The following CUX2 variants were observed in gnomAD, a reference collection of about 807,000 sequenced individuals.
The protein encoded by CUX2 is homeobox protein cut-like 2.
In CUX2, 40 loss-of-function variants were observed where a neutral mutation model predicts 144.8. The observed-to-expected ratio is 0.28, with a 90% CI of 0.21 to 0.36. The LOEUF is 0.36. Among genes scored for constraint, CUX2 ranks in the 10% least tolerant of loss-of-function variants. The pLI is 1.00. For missense variants in CUX2, 1,615 were observed against 1,994.0 expected (o/e 0.81, Z 3.62); for synonymous variants, 827 against 875.6 (o/e 0.94, Z 0.98).
At chr12:111,230,654 G>A (rs770083216) in intron 3 of CUX2, among the ~76,000 whole-genome samples, 34 of 152,304 alleles carry the variant, frequency 2.2e-4, no homozygotes, top group Non-Finnish European at 4.3e-4. Context: ...TTGAGTGTCA[G>A]GATTGTAAAA....
At chr12:111,048,655 A>T (rs1870115263) in intron 1 of CUX2, among the ~76,000 whole-genome samples, 1 of 151,944 alleles carries the variant, frequency 6.6e-6, no homozygotes, top group African/African-American at 2.4e-5. Context: ...CATTATTACC[A>T]GTGTGTTTCC....
intron 3 of CUX2, among the ~76,000 whole-genome samples, chr12:111,219,669 G>T (rs1023781922): frequency 2.6e-5 from 4 of 152,190 alleles, no homozygotes; most frequent in Non-Finnish European, 4.4e-5. Context: ...GAGATCTAAT[G>T]CAGGGAAAGG....
At chr12:111,139,540 C>G (rs533448203) in intron 1 of CUX2, among the ~76,000 whole-genome samples, 4 of 152,278 alleles carry the variant, frequency 2.6e-5, no homozygotes, top group Admixed American at 6.5e-5. Flanking sequence ...TCCAACCCCT[C>G]AGAGGAGGCT....
intron 1 of CUX2, among the ~76,000 whole-genome samples, chr12:111,163,325 A>G (rs1007211733): frequency 3.3e-5 from 5 of 152,254 alleles, no homozygotes; most frequent in African/African-American, 1.2e-4. Flanking sequence ...TCTGCTTTAC[A>G]GGCCGCATGG....
intron 1 of CUX2, among the ~76,000 whole-genome samples, chr12:111,119,718 G>A (rs1874518303): frequency 1.3e-5 from 2 of 152,190 alleles, no homozygotes; most frequent in Middle Eastern, 3.2e-3. Context: ...ACAAAAAAAT[G>A]GTTGCATGAA....
At chr12:111,315,405 G>C (rs999442072) in intron 16 of CUX2, among the ~76,000 whole-genome samples, 1 of 152,198 alleles carries the variant, frequency 6.6e-6, no homozygotes, top group African/African-American at 2.4e-5. Flanking sequence ...AGCCCTTAAA[G>C]GTAGAACTTT....
chr12:111,142,272 C>T (rs4766539), intron 1 of CUX2, among the ~76,000 whole-genome samples: 12,163 of 152,178 alleles, frequency 0.08, 617 homozygotes, highest in African/African-American at 0.14. Context: ...TATATATCCA[C>T]ATCCTCACAT....
In CUX2 at chr12:111,157,732, A is replaced by G. The variant is rs147199021; in HGVS notation, c.64-56468A>G. The stretch of plus-strand genomic sequence containing the variant: ...GTGGCAGTGAGCATGCACATGCTAC[A>G]TATTTGTTATCTCTGCCTCATAAGT... On this transcript the variant is annotated intron_variant, in intron 1 of 21. Transcript: ENST00000261726. Among the ~76,000 whole-genome samples, 549 of 152,378 alleles carry G rather than the reference A, an allele frequency of 3.6e-3. 7 individuals are homozygous for G. The highest frequency in any genetic ancestry group is 0.013 in the African/African-American group (525 of 41,584).
At chr12:111,219,143 A>G (rs1463629925) in intron 3 of CUX2, among the ~76,000 whole-genome samples, 1 of 152,236 alleles carries the variant, frequency 6.6e-6, no homozygotes, top group Non-Finnish European at 1.5e-5. Flanking sequence ...CTTTGGAACC[A>G]CATAAGCACA....
intron 1 of CUX2, among the ~76,000 whole-genome samples, chr12:111,151,909 C>T (rs1029774855): frequency 6.6e-5 from 10 of 152,080 alleles, no homozygotes; most frequent in East Asian, 3.9e-4. Context: ...GAACCAAGGC[C>T]GTCAGTGACC....
chr12:111,330,729 A>ATATG (rs1888079050), intron 18 of CUX2, among the ~76,000 whole-genome samples: 1 of 67,518 alleles, frequency 1.5e-5, no homozygotes, highest in African/African-American at 6.5e-5. Context: ...ATATATATAT[A>ATATG]TATATATATA....
chr12:111,192,698 G>T (rs1879972269), intron 1 of CUX2, among the ~76,000 whole-genome samples: 1 of 152,218 alleles, frequency 6.6e-6, no homozygotes, highest in South Asian at 2.1e-4. Flanking sequence ...AGCTCTCAGG[G>T]TGTGGGTCAG....
Position 111,347,552 on chromosome 12 carries a change from G to C in CUX2, c.3688G>C (p.Glu1230Gln), listed in dbSNP as rs748859094. The change falls in exon 22 of 22, where the codon GAG (glutamate) becomes CAG (glutamine). Residue 1230 changes from glutamate to glutamine, a missense_variant. Around this residue, in one of 12 missense-constraint regions of CUX2, gnomAD observed 298 missense variants for 330.4 expected, o/e 0.90. Transcript: ENST00000261726. ...CCGGATGCGCCGGGAGATGTTGGTG[G>C]AGGGGACCCAGGATGAGCCAGACCT... ...RSRMRREMLVEGTQDEPDLDP... is the reference protein window; with the variant it reads ...RSRMRREMLVQGTQDEPDLDP... The C allele has an allele frequency of 1.2e-6, 2 of 1,607,834 alleles. No homozygotes were observed. The highest frequency in any genetic ancestry group is 2.2e-5 in the East Asian group (1 of 44,838).
chr12:111,328,609 T>C (rs923793042), intron 18 of CUX2, among the ~76,000 whole-genome samples: 2 of 151,524 alleles, frequency 1.3e-5, no homozygotes, highest in Non-Finnish European at 2.9e-5. Flanking sequence ...TGTGTGTGTG[T>C]GTGTGTGTGT....
chr12:111,200,531 G>T (rs1475795802), intron 1 of CUX2, among the ~76,000 whole-genome samples: 1 of 152,032 alleles, frequency 6.6e-6, no homozygotes, highest in Non-Finnish European at 1.5e-5. Flanking sequence ...GGGAGGCTAG[G>T]ATGGGAGCTT....
intron 18 of CUX2, among the ~76,000 whole-genome samples, chr12:111,324,842 G>C (rs1024947470): frequency 6.6e-6 from 1 of 152,164 alleles, no homozygotes. Context: ...TGGAAGTGAC[G>C]GGGGTGAAGT....
At chr12:111,258,157 C>A (rs1202099935) in intron 3 of CUX2, among the ~76,000 whole-genome samples, 1 of 152,188 alleles carries the variant, frequency 6.6e-6, no homozygotes, top group Admixed American at 6.5e-5. Context: ...GATGCACGGA[C>A]AAACTGGGGC....
chr12:111,132,557 C>CTTTTTTT (rs1182564665), intron 1 of CUX2, among the ~76,000 whole-genome samples: 8 of 97,170 alleles, frequency 8.2e-5, no homozygotes, highest in African/African-American at 2.0e-4. Context: ...GCTCTGTTTC[C>CTTTTTTT]TTTTTTTTTT....
chr12:111,205,073 G>C (rs1880833833), intron 1 of CUX2, among the ~76,000 whole-genome samples: 1 of 152,132 alleles, frequency 6.6e-6, no homozygotes, highest in South Asian at 2.1e-4. Flanking sequence ...GTGATGGATG[G>C]CTCTGGTAAC....
Sources: allele counts gnomAD v4.1 joint callset (sites outside exome capture counted in the v4.1 genomes callset), GRCh38; gene constraint gnomAD v4.1.1; regional missense constraint gnomAD v4.1.1; transcripts MANE v1.5; gene names NCBI Gene and HGNC (gene_info 2026-07-23, HGNC 2026-07-21).